The following SHISA9 variants were observed in gnomAD, a reference collection of about 807,000 sequenced individuals.
The protein encoded by SHISA9 is protein shisa-9.
A neutral mutation model predicts 38.0 loss-of-function variants in SHISA9; 13 were observed. The observed-to-expected ratio is 0.34, with a 90% CI of 0.22 to 0.54. The LOEUF is 0.54. SHISA9 is among the 20% of genes least tolerant of loss of function. The pLI, the probability that SHISA9 is intolerant of heterozygous loss-of-function variation, is 0.91. For missense variants in SHISA9, 538 were observed against 575.8 expected (o/e 0.93, Z 0.67); for synonymous variants, 275 against 242.0 (o/e 1.14, Z -1.27).
In SHISA9 at chr16:13,004,943, GAAAAAAAA is replaced by G. The variant is rs59694628; in HGVS notation, c.691+88136_691+88143del. On this transcript the variant is annotated intron_variant, in intron 2 of 4. Coordinates refer to ENST00000558583, the MANE Select transcript of SHISA9 (RefSeq NM_001145204.3). ...GTAAGACTCCATCTCTTAAGAAAAA[GAAAAAAAA>G]AAAAAAAGAAAAAAAGAAAGAAAGA... Among the ~76,000 whole-genome samples the G allele has an allele frequency of 5.0e-3, 524 of 103,768 alleles. 1 individual carries two copies. Among genetic ancestry groups the G allele is most frequent in the African/African-American group, 0.018 (479 of 27,320 alleles). 68.1% of individuals were successfully genotyped at this position (103,768 alleles called of 152,430 possible). A position where few individuals can be genotyped will look rare whatever the true frequency, so the allele number is the denominator to read the frequency against.
At chr16:13,272,180 A>G in the SHISA9 span, among the ~76,000 whole-genome samples, 1 of 152,168 alleles carries the variant, frequency 6.6e-6, no homozygotes, top group Admixed American at 6.5e-5. Flanking sequence ...CATACAATTG[A>G]AATGGGCACT....
At chr16:13,195,947 G>A (rs112500786) in intron 2 of SHISA9, among the ~76,000 whole-genome samples, 2,456 of 151,930 alleles carry the variant, frequency 0.016, 59 homozygotes, top group African/African-American at 0.057. Context: ...AATTAGCCAG[G>A]TGTGGTGGTG....
At chr16:13,362,435 A>AAAAAC in the SHISA9 span, among the ~76,000 whole-genome samples, 2 of 152,090 alleles carry the variant, frequency 1.3e-5, no homozygotes, top group Non-Finnish European at 2.9e-5. Context: ...CTCAGACCAA[A>AAAAAC]AAAACAAAAC....
intron 2 of SHISA9, among the ~76,000 whole-genome samples, chr16:12,924,533 G>A (rs550683793): frequency 2.2e-4 from 33 of 152,236 alleles, no homozygotes; most frequent in African/African-American, 7.7e-4. Flanking sequence ...TCATAGTTGG[G>A]CAGACTAGTT....
chr16:13,266,171 A>G, the SHISA9 span, among the ~76,000 whole-genome samples: 1 of 152,212 alleles, frequency 6.6e-6, no homozygotes, highest in East Asian at 1.9e-4. Context: ...CTCCTTTGCC[A>G]ATGTCCCCGC....
chr16:13,510,206 G>T, the SHISA9 span, among the ~76,000 whole-genome samples: 1 of 152,134 alleles, frequency 6.6e-6, no homozygotes, highest in Non-Finnish European at 1.5e-5. Context: ...TACACGGGAG[G>T]CTGAGGAAGC....
chr16:12,925,782 G>A (rs569034758), intron 2 of SHISA9, among the ~76,000 whole-genome samples: 66 of 152,332 alleles, frequency 4.3e-4, no homozygotes, highest in Non-Finnish European at 6.2e-4. Context: ...TTAAGTGATA[G>A]GAAATGCCTA....
At chr16:13,197,106 C>T (rs57473521) in intron 2 of SHISA9, among the ~76,000 whole-genome samples, 34,846 of 95,630 alleles carry the variant, frequency 0.36, 4,725 homozygotes, top group East Asian at 0.54. Context: ...TCTGTACATA[C>T]ACACACACAC....
the SHISA9 span, among the ~76,000 whole-genome samples, chr16:13,468,778 A>AC: frequency 1.3e-5 from 2 of 152,084 alleles, no homozygotes; most frequent in Admixed American, 1.3e-4. Context: ...GGAGTTTGAG[A>AC]CCAGCCTGAG....
In SHISA9 at chr16:13,015,906, C is replaced by CTTTCT. The variant is rs1425113787; in HGVS notation, c.691+99094_691+99095insCTTTT. On this transcript the variant is annotated intron_variant, in intron 2 of 4. Coordinates refer to ENST00000558583, the MANE Select transcript of SHISA9 (RefSeq NM_001145204.3). ...TCTTTCTTTCTTTCTTTCTTTCTTT[C>CTTTCT]TTTTCTTTCTTTCTCCTTCCTTCCT... Among the ~76,000 whole-genome samples the CTTTCT allele has an allele frequency of 8.8e-4, 49 of 55,582 alleles. 1 individual carries two copies. The highest frequency in any genetic ancestry group is 1.9e-3 in the Non-Finnish European group (40 of 21,124). 36.5% of individuals were successfully genotyped at this position (55,582 alleles called of 152,430 possible).
At chr16:13,445,910 T>C in the SHISA9 span, among the ~76,000 whole-genome samples, 1 of 152,148 alleles carries the variant, frequency 6.6e-6, no homozygotes, top group East Asian at 1.9e-4. Flanking sequence ...TTGCCCTCAT[T>C]TGAGAGTCAA....
At chr16:13,370,120 C>T in the SHISA9 span, among the ~76,000 whole-genome samples, 15 of 152,068 alleles carry the variant, frequency 9.9e-5, no homozygotes, top group African/African-American at 1.2e-4. Context: ...AAGTGCAGCC[C>T]GAGTCGAGCT....
chr16:13,142,281 G>A (rs1305367602), intron 2 of SHISA9, among the ~76,000 whole-genome samples: 1 of 152,152 alleles, frequency 6.6e-6, no homozygotes, highest in East Asian at 1.9e-4. Flanking sequence ...TACTTATTAG[G>A]TCTTCCCTAA....
chr16:13,052,648 C>A (rs756062493), intron 2 of SHISA9, among the ~76,000 whole-genome samples: 1 of 152,214 alleles, frequency 6.6e-6, no homozygotes, highest in African/African-American at 2.4e-5. Context: ...ATCCATATGG[C>A]TCCAAGTTGC....
chr16:13,016,834 A>G (rs1198666624), intron 2 of SHISA9, among the ~76,000 whole-genome samples: 1 of 152,188 alleles, frequency 6.6e-6, no homozygotes, highest in Non-Finnish European at 1.5e-5. Context: ...TTTTAGTCAC[A>G]CTTTGGGGAC....
the SHISA9 span, among the ~76,000 whole-genome samples, chr16:13,314,688 C>T: frequency 6.6e-6 from 1 of 152,076 alleles, no homozygotes; most frequent in Admixed American, 6.5e-5. Context: ...TAGATACATC[C>T]ATCATATCAG....
At chr16:13,036,363 G>A (rs2073063317) in intron 2 of SHISA9, among the ~76,000 whole-genome samples, 1 of 152,150 alleles carries the variant, frequency 6.6e-6, no homozygotes, top group African/African-American at 2.4e-5. Flanking sequence ...GAGGAAGAAG[G>A]CAGATATAAA....
At chr16:13,309,369 G>A in the SHISA9 span, among the ~76,000 whole-genome samples, 4 of 152,174 alleles carry the variant, frequency 2.6e-5, no homozygotes, top group East Asian at 1.9e-4. Context: ...GAGGCCGGGC[G>A]CAGTGACTCA....
chr16:13,100,684 T>C, intron 2 of SHISA9, among the ~76,000 whole-genome samples: 1 of 152,158 alleles, frequency 6.6e-6, no homozygotes, highest in East Asian at 1.9e-4. Context: ...AGAGAAATAC[T>C]ACTCTCTGCT....
Sources: gnomAD v4.1 joint callset for allele counts (sites outside exome capture counted in the v4.1 genomes callset) on GRCh38, gnomAD v4.1.1 for gene constraint, MANE v1.5 for transcripts, NCBI Gene and HGNC (gene_info 2026-07-23, HGNC 2026-07-21) for gene names.